RGS9: variants seen among roughly 807,000 people sequenced by gnomAD.
RGS9 encodes the protein regulator of G-protein signalling 9.
RGS9 carries 78 observed loss-of-function variants against 102.0 expected under a neutral mutation model. That is an observed-to-expected ratio of 0.76 (90% CI 0.64 to 0.92). RGS9 has a LOEUF of 0.92. RGS9 is among the 40% of genes least tolerant of loss of function. The probability of loss-of-function intolerance (pLI) is 0.00; values close to 1 mark genes in which losing one functional copy is unlikely to be tolerated. For synonymous variants in RGS9, 353 were observed against 318.6 expected, an observed-to-expected ratio of 1.11 and a Z score of -1.15; for missense variants, 833 against 866.1, an observed-to-expected ratio of 0.96 and a Z score of 0.48.
chr17:65,193,510 C>A, intron 11 of RGS9, 33 bp from the exon 12 acceptor site: 1 of 1,396,796 alleles, frequency 7.2e-7, no homozygotes, highest in Non-Finnish European at 1.0e-6. Context: ...GGGTGTCGAG[C>A]TTCTAGGAAA....
rs185391320 is a variant in RGS9 at position 65,227,270 on chromosome 17, T to C, written c.1893-5T>C. 1 of 1,614,140 alleles carries C rather than the reference T, an allele frequency of 6.2e-7. No homozygotes were observed. The highest frequency in any genetic ancestry group is 8.5e-7 in the Non-Finnish European group (1 of 1,180,002). On this transcript the variant is annotated splice_polypyrimidine_tract_variant and splice_region_variant and intron_variant, in intron 18 of 18. Coordinates refer to ENST00000262406, the MANE Select transcript of RGS9 (RefSeq NM_003835.4). The stretch of plus-strand genomic sequence containing the variant: ...ACATTACTGGCTTTCCTCTTGCACC[T>C]GAAGCTTTTTCCAGATCAAAATGGA...
intron 15 of RGS9, among the ~76,000 whole-genome samples, chr17:65,206,104 G>A (rs1254012340): frequency 1.3e-5 from 2 of 152,184 alleles, no homozygotes; most frequent in Non-Finnish European, 2.9e-5. Context: ...ATAGGTTTGT[G>A]TGAATGGTAA....
intron 8 of RGS9, among the ~76,000 whole-genome samples, chr17:65,171,395 G>A (rs1911415580): frequency 6.6e-6 from 1 of 152,210 alleles, no homozygotes; most frequent in African/African-American, 2.4e-5. Context: ...GCTCATAGAG[G>A]TTCAGTAGCC....
chr17:65,227,468 G>T lies in RGS9; in HGVS notation c.*61G>T. ...GGAAGATGCTCTGACAGATGCCATG[G>T]TATGGGCCACAGGACACACTTGCTC... On this transcript the variant is annotated 3_prime_UTR_variant, in exon 19 of 19. Transcript: ENST00000262406. 1.9e-6 allele frequency: 3 copies of T among 1,570,028 alleles called. No homozygotes were observed. The highest frequency in any genetic ancestry group is 2.6e-6 in the Non-Finnish European group (3 of 1,156,674).
chr17:65,214,507 T>C (rs1026545704), intron 17 of RGS9, among the ~76,000 whole-genome samples: 7 of 152,152 alleles, frequency 4.6e-5, no homozygotes, highest in African/African-American at 1.7e-4. Context: ...GGGATCATGA[T>C]AAGGTTTTTG....
At chr17:65,163,861 C>T (rs1457987998) in intron 7 of RGS9, among the ~76,000 whole-genome samples, 1 of 152,136 alleles carries the variant, frequency 6.6e-6, no homozygotes, top group African/African-American at 2.4e-5. Context: ...AAGATGTGAA[C>T]TAGAGATGTT....
chr17:65,140,139 G>T (rs1288526607), intron 1 of RGS9, among the ~76,000 whole-genome samples: 2 of 152,214 alleles, frequency 1.3e-5, no homozygotes, highest in African/African-American at 4.8e-5. Context: ...TAAGCGGCTT[G>T]CCAGTCACGC....
chr17:65,202,284 G>A (rs552098349), intron 14 of RGS9, among the ~76,000 whole-genome samples: 34 of 152,240 alleles, frequency 2.2e-4, no homozygotes, highest in Admixed American at 1.5e-3. Flanking sequence ...AAAGCCTGGT[G>A]AGACATGCAG....
At chr17:65,144,503 A>G (rs564853621) in intron 1 of RGS9, among the ~76,000 whole-genome samples, 2 of 152,306 alleles carry the variant, frequency 1.3e-5, no homozygotes, top group African/African-American at 4.8e-5. Flanking sequence ...TCTCCCCGAC[A>G]CGGGGTCAGA....
chr17:65,214,516 T>G (rs1003578557), intron 17 of RGS9, among the ~76,000 whole-genome samples: 1 of 152,188 alleles, frequency 6.6e-6, no homozygotes, highest in Admixed American at 6.5e-5. Flanking sequence ...ATAAGGTTTT[T>G]GGAGGAGGCG....
At chr17:65,227,035 G>GA (rs1905718423) in intron 18 of RGS9, among the ~76,000 whole-genome samples, 1 of 152,148 alleles carries the variant, frequency 6.6e-6, no homozygotes, top group African/African-American at 2.4e-5. Flanking sequence ...AGCACCTTCA[G>GA]AATTATTTTT....
At chr17:65,174,347 T>A (rs897335073) in intron 8 of RGS9, among the ~76,000 whole-genome samples, 2 of 152,192 alleles carry the variant, frequency 1.3e-5, no homozygotes, top group African/African-American at 2.4e-5. Flanking sequence ...TAGGGCATCA[T>A]GAGCACAGGC....
chr17:65,165,620 C>T (rs1911147187), intron 7 of RGS9, among the ~76,000 whole-genome samples: 1 of 152,104 alleles, frequency 6.6e-6, no homozygotes, highest in Non-Finnish European at 1.5e-5. Context: ...AAACCTCTTC[C>T]TCCAGTATCA....
intron 4 of RGS9, 65 bp downstream of exon 4, chr17:65,160,404 A>T: frequency 6.4e-7 from 1 of 1,559,610 alleles, no homozygotes; most frequent in South Asian, 1.1e-5. Context: ...GGTGGGGTTC[A>T]TAGTTTCACA....
Position 65,207,960 on chromosome 17 carries a change from G to A in RGS9, c.1242G>A (p.Lys414=). 1.2e-6 allele frequency: 2 copies of A among 1,613,362 alleles called. No individual in the cohort carries two copies. Among genetic ancestry groups the A allele is most frequent in the Non-Finnish European group, 1.7e-6 (2 of 1,179,466 alleles). ...YARYLKSPIY[K]DMLAKAIEPQ... ...GCTATTTAAAATCTCCGATCTATAA[G>A]GACATGCTGGCCAAAGCTATTGAAC... The change falls in exon 16 of 19, where the codon AAG becomes AAA. Residue 414 remains lysine (K), a synonymous_variant. Coordinates refer to ENST00000262406, the MANE Select transcript of RGS9 (RefSeq NM_003835.4).
chr17:65,137,692 C>G (rs1030530341), intron 1 of RGS9, 95 bp downstream of exon 1: 1 of 1,135,050 alleles, frequency 8.8e-7, no homozygotes, highest in African/African-American at 1.5e-5. Context: ...GGAGAGCACC[C>G]CTTTGGGTCG....
Position 65,163,003 on chromosome 17 carries a change from T to C in RGS9, c.424-10T>C. 1 of 1,474,190 alleles carries C rather than the reference T, an allele frequency of 6.8e-7. No individual in the cohort carries two copies. The highest frequency in any genetic ancestry group is 9.5e-7 in the Non-Finnish European group (1 of 1,055,306). The allele number at this position is 1,474,190 out of a possible 1,614,324, so 91.3% of individuals were successfully genotyped here. A position where few individuals can be genotyped will look rare whatever the true frequency, so the allele number is the denominator to read the frequency against. ...GGGCTTTCTGTTCTCATTTTGTTTT[T>C]CTTCTTTAGGAAAATTACAATTTCT... On this transcript the variant is annotated splice_polypyrimidine_tract_variant and intron_variant, in intron 6 of 18. Coordinates refer to ENST00000262406, the MANE Select transcript of RGS9 (RefSeq NM_003835.4).
intron 9 of RGS9, among the ~76,000 whole-genome samples, chr17:65,182,272 C>T (rs1331946555): frequency 6.6e-6 from 1 of 152,166 alleles, no homozygotes; most frequent in Non-Finnish European, 1.5e-5. Flanking sequence ...TCTGTGTGAC[C>T]ATGCCTAGCT....
chr17:65,206,507 G>A (rs191199939), intron 15 of RGS9, among the ~76,000 whole-genome samples: 4 of 152,184 alleles, frequency 2.6e-5, no homozygotes, highest in Admixed American at 6.5e-5. Context: ...GTGAAACCCC[G>A]TCTCTACCAA....
Sources: allele counts gnomAD v4.1 joint callset (sites outside exome capture counted in the v4.1 genomes callset), GRCh38; gene constraint gnomAD v4.1.1; transcripts MANE v1.5; gene names NCBI Gene and HGNC (gene_info 2026-07-23, HGNC 2026-07-21).